CTNNA3: variants seen among roughly 807,000 people sequenced by gnomAD.
CTNNA3 encodes the protein catenin alpha 3, also known as catenin alpha-3.
Under a neutral mutation model 95.7 loss-of-function variants are expected in CTNNA3, and 76 were observed. The observed-to-expected ratio is 0.79, with a 90% CI of 0.66 to 0.96. The LOEUF (loss-of-function observed/expected upper bound fraction) is 0.96, where lower values mean the gene tolerates loss of function less well. Among genes scored for constraint, CTNNA3 ranks in the 40% least tolerant of loss-of-function variants. CTNNA3 has a pLI of 0.00. For missense variants in CTNNA3, 1,191 were observed against 1,089.8 expected, an observed-to-expected ratio of 1.09 and a Z score of -1.31; for synonymous variants, 431 against 374.4, an observed-to-expected ratio of 1.15 and a Z score of -1.74.
chr10:67,226,630 C>T (rs918745393), intron 5 of CTNNA3, among the ~76,000 whole-genome samples: 1 of 152,132 alleles, frequency 6.6e-6, no homozygotes, highest in African/African-American at 2.4e-5. Context: ...AACTAAGCAT[C>T]ATATATGAAG....
rs1010956757 is a variant in CTNNA3, at chr10:66,492,053, T to A, written c.1531+28564A>T. ...CTTCAGTGGTTCCCTAGTTGTTTCATGTGTTTTAGCCTCCTTTCCTCAAAC... is the reference window on the plus strand; with the variant it reads ...CTTCAGTGGTTCCCTAGTTGTTTCAAGTGTTTTAGCCTCCTTTCCTCAAAC... On this transcript the variant is annotated intron_variant, in intron 11 of 17. Transcript: ENST00000433211. 3.0e-4 allele frequency among the ~76,000 whole-genome samples: 45 copies of A among 152,290 alleles called. 1 individual carries two copies. The highest frequency in any genetic ancestry group is 1.1e-3 in the African/African-American group (44 of 41,574).
At chr10:67,208,963 A>G (rs1864022281) in intron 6 of CTNNA3, among the ~76,000 whole-genome samples, 1 of 152,202 alleles carries the variant, frequency 6.6e-6, no homozygotes, top group Admixed American at 6.5e-5. Flanking sequence ...ACATTTTATA[A>G]TAATAAAAGG....
chr10:67,348,162 A>C (rs563817171), intron 5 of CTNNA3, among the ~76,000 whole-genome samples: 35 of 152,356 alleles, frequency 2.3e-4, no homozygotes, highest in African/African-American at 7.7e-4. Context: ...AGTAGATTAA[A>C]GACAAACATA....
At chr10:66,568,085 C>G (rs971407094) in intron 10 of CTNNA3, among the ~76,000 whole-genome samples, 2 of 152,028 alleles carry the variant, frequency 1.3e-5, no homozygotes, top group Non-Finnish European at 2.9e-5. Context: ...ACAAGACAAT[C>G]AAGAAAAAGC....
intron 5 of CTNNA3, among the ~76,000 whole-genome samples, chr10:67,412,262 T>C (rs1168694326): frequency 6.6e-6 from 1 of 152,154 alleles, no homozygotes; most frequent in Non-Finnish European, 1.5e-5. Context: ...CATGCATGTC[T>C]TTGCCTTCTT....
chr10:66,573,854 G>A (rs1298759401), intron 10 of CTNNA3, among the ~76,000 whole-genome samples: 1 of 151,898 alleles, frequency 6.6e-6, no homozygotes, highest in East Asian at 1.9e-4. Context: ...ATGCCTTTGG[G>A]CATTGGATCA....
intron 5 of CTNNA3, among the ~76,000 whole-genome samples, chr10:67,366,024 C>T (rs1032731156): frequency 3.2e-4 from 49 of 152,068 alleles, no homozygotes; most frequent in African/African-American, 1.1e-3. Flanking sequence ...GGCACATATA[C>T]ACCATGGAAT....
intron 1 of CTNNA3, among the ~76,000 whole-genome samples, chr10:67,724,264 G>T (rs2133621795): frequency 6.6e-6 from 1 of 152,178 alleles, no homozygotes; most frequent in Middle Eastern, 3.4e-3. Flanking sequence ...CAGATCCTTA[G>T]GATGATACTG....
chr10:66,272,346 A>T (rs1300085502), intron 13 of CTNNA3, among the ~76,000 whole-genome samples: 3 of 152,176 alleles, frequency 2.0e-5, no homozygotes, highest in Non-Finnish European at 4.4e-5. Flanking sequence ...AAAAATGAAA[A>T]GCTATGAAGT....
At chr10:66,138,616 A>G (rs1209888743) in intron 13 of CTNNA3, among the ~76,000 whole-genome samples, 1 of 152,150 alleles carries the variant, frequency 6.6e-6, no homozygotes, top group African/African-American at 2.4e-5. Flanking sequence ...ATCACCTGCC[A>G]TCAGGAGTTT....
intron 7 of CTNNA3, among the ~76,000 whole-genome samples, chr10:66,839,583 T>TC (rs1247361209): frequency 2.6e-4 from 39 of 151,980 alleles, no homozygotes. Context: ...GTACTTAATG[T>TC]CCCCAGAAAA....
intron 11 of CTNNA3, among the ~76,000 whole-genome samples, chr10:66,398,337 T>C (rs768691244): frequency 6.6e-6 from 1 of 151,860 alleles, no homozygotes; most frequent in Non-Finnish European, 1.5e-5. Flanking sequence ...CAAGAACAAA[T>C]TTTTTGTCTC....
intron 9 of CTNNA3, among the ~76,000 whole-genome samples, chr10:66,629,244 CT>C (rs1845047395): frequency 6.6e-6 from 1 of 151,986 alleles, no homozygotes; most frequent in Non-Finnish European, 1.5e-5. Context: ...TTAAACTAGT[CT>C]GACATGAACA....
At position 66,256,736 on chromosome 10, in the gene CTNNA3, T is replaced by C. The variant is rs535522777; in HGVS notation, c.1884+23734A>G. On this transcript the variant is annotated intron_variant, in intron 13 of 17. Transcript: ENST00000433211. ...GACATTGTCTCAAAAAAAAAAAGCG[T>C]AAATTGGAGGAGAAAAAATGCCGTC... 5.4e-5 allele frequency among the ~76,000 whole-genome samples: 8 copies of C among 148,478 alleles called. No homozygotes were observed. In the South Asian group the frequency reaches 1.5e-3, roughly 27 times the overall value.
intron 5 of CTNNA3, among the ~76,000 whole-genome samples, chr10:67,482,672 T>C (rs1429818127): frequency 6.6e-6 from 1 of 152,200 alleles, no homozygotes; most frequent in Non-Finnish European, 1.5e-5. Context: ...GGTTTCTACA[T>C]ATACAATCAT....
At chr10:65,944,338 T>C (rs777576094) in intron 17 of CTNNA3, among the ~76,000 whole-genome samples, 1 of 152,254 alleles carries the variant, frequency 6.6e-6, no homozygotes, top group East Asian at 1.9e-4. Flanking sequence ...ATGCCATCCA[T>C]GGCATTGCAC....
intron 11 of CTNNA3, among the ~76,000 whole-genome samples, chr10:66,461,397 A>G (rs978962359): frequency 1.3e-5 from 2 of 152,156 alleles, no homozygotes; most frequent in African/African-American, 2.4e-5. Context: ...ATTTATTCAT[A>G]GCTATTATAA....
chr10:67,669,222 A>G (rs987961572), intron 1 of CTNNA3, among the ~76,000 whole-genome samples: 6 of 152,216 alleles, frequency 3.9e-5, no homozygotes, highest in African/African-American at 1.4e-4. Context: ...GGACTCTGAC[A>G]TAGGTTAGGT....
rs201197263 is a variant in CTNNA3 at position 66,845,748 on chromosome 10, TATAC to T, written c.1048-70228_1048-70225del. 1.2e-4 allele frequency among the ~76,000 whole-genome samples: 4 copies of T among 32,810 alleles called. No homozygotes were observed. In the East Asian group the frequency reaches 1.3e-3, roughly 11 times the overall value. The allele number at this position is 32,810 out of a possible 152,430, so 21.5% of individuals were successfully genotyped here. A position where few individuals can be genotyped will look rare whatever the true frequency, so the allele number is the denominator to read the frequency against. ...AAAAAAACTAAAAAGGTGAGATATA[TATAC>T]ATACACACACACACACACACACACA... is the stretch of plus-strand genomic sequence containing the variant. On this transcript the variant is annotated intron_variant, in intron 7 of 17. Coordinates refer to ENST00000433211, the MANE Select transcript of CTNNA3 (RefSeq NM_013266.4).
Sources: allele counts gnomAD v4.1 joint callset (sites outside exome capture counted in the v4.1 genomes callset), GRCh38; gene constraint gnomAD v4.1.1; transcripts MANE v1.5; gene names NCBI Gene and HGNC (gene_info 2026-07-23, HGNC 2026-07-21).